The following RERE variants were observed in gnomAD, a reference collection of about 807,000 sequenced individuals.
RERE encodes arginine-glutamic acid dipeptide repeats protein.
RERE carries 40 observed loss-of-function variants against 146.1 expected under a neutral mutation model. The ratio of observed to expected loss-of-function variants is 0.27; its 90% CI spans 0.21 to 0.36. RERE has a LOEUF of 0.36. RERE is among the 10% of genes least tolerant of loss of function. The pLI, the probability that RERE is intolerant of heterozygous loss-of-function variation, is 1.00. For missense variants in RERE, 1,933 were observed against 2,138.7 expected (o/e 0.90, Z 1.90); for synonymous variants, 1,003 against 866.0 (o/e 1.16, Z -2.78).
rs1641645920 is a variant in RERE, at chr1:8,362,904, T to A, written c.1741-60A>T. The A allele has an allele frequency of 3.2e-6, 5 of 1,558,644 alleles. No individual in the cohort carries two copies. The East Asian group carries it at 1.1e-4, about 35-fold the overall frequency. The stretch of plus-strand genomic sequence containing the variant: ...TTCCCAGTCCCCATGTGGACCCACC[T>A]GAGCCCAACCCACAGGCAGAAGCCT... On this transcript the variant is annotated intron_variant, in intron 15 of 22. Transcript: ENST00000400908.
At chr1:8,537,020 T>C (rs1205883182) in intron 7 of RERE, among the ~76,000 whole-genome samples, 1 of 152,064 alleles carries the variant, frequency 6.6e-6, no homozygotes, top group Non-Finnish European at 1.5e-5. Flanking sequence ...CTGGGGAACA[T>C]AGTGAGACCT....
chr1:8,569,584 G>A (rs1045739352), intron 4 of RERE, among the ~76,000 whole-genome samples: 1 of 152,162 alleles, frequency 6.6e-6, no homozygotes, highest in African/African-American at 2.4e-5. Flanking sequence ...AACCGATGAT[G>A]AGCTACCATG....
chr1:8,774,633 C>G (rs1641024280), intron 1 of RERE, among the ~76,000 whole-genome samples: 1 of 152,026 alleles, frequency 6.6e-6, no homozygotes, highest in South Asian at 2.1e-4. Context: ...GGACTACAGG[C>G]ATGAGTCACC....
intron 10 of RERE, among the ~76,000 whole-genome samples, chr1:8,488,488 C>T (rs1320735583): frequency 5.3e-5 from 8 of 152,144 alleles, no homozygotes; most frequent in East Asian, 1.9e-4. Flanking sequence ...TCAGGCGATC[C>T]GCTCACCTCG....
intron 7 of RERE, among the ~76,000 whole-genome samples, chr1:8,530,988 G>T (rs1284377647): frequency 6.6e-6 from 1 of 151,994 alleles, no homozygotes; most frequent in East Asian, 1.9e-4. Context: ...ACCGCGCCCG[G>T]CCTGAACTGA....
chr1:8,442,033 A>T (rs948562337), intron 11 of RERE, among the ~76,000 whole-genome samples: 1 of 152,192 alleles, frequency 6.6e-6, no homozygotes, highest in South Asian at 2.1e-4. Flanking sequence ...CTGGGGAAGT[A>T]GAATGGAAAT....
At chr1:8,602,923 G>A (rs950973624) in intron 4 of RERE, among the ~76,000 whole-genome samples, 2 of 152,148 alleles carry the variant, frequency 1.3e-5, no homozygotes, top group Non-Finnish European at 2.9e-5. Flanking sequence ...TGAACCAGGA[G>A]CTGTTCCAGA....
intron 4 of RERE, among the ~76,000 whole-genome samples, chr1:8,577,316 C>CCT (rs769878579): frequency 3.3e-5 from 5 of 152,120 alleles, no homozygotes; most frequent in South Asian, 2.1e-4. Flanking sequence ...CTCTCTCTCC[C>CCT]CTCTCTTTCT....
At chr1:8,398,294 C>T (rs1643126070) in intron 12 of RERE, among the ~76,000 whole-genome samples, 1 of 152,162 alleles carries the variant, frequency 6.6e-6, no homozygotes. Context: ...CTGATTTGGA[C>T]CACAGTATAA....
At chr1:8,671,642 A>G (rs1009197004) in intron 1 of RERE, among the ~76,000 whole-genome samples, 3 of 152,270 alleles carry the variant, frequency 2.0e-5, no homozygotes, top group Non-Finnish European at 2.9e-5. Flanking sequence ...TTTAAAAATT[A>G]GCTTTGTTAA....
chr1:8,626,975 T>C (rs1646980371), intron 2 of RERE, among the ~76,000 whole-genome samples: 1 of 152,202 alleles, frequency 6.6e-6, no homozygotes, highest in Non-Finnish European at 1.5e-5. Context: ...CTGCATTCAA[T>C]GGTCTGGTCT....
At chr1:8,529,345 A>G (rs1466969971) in intron 7 of RERE, among the ~76,000 whole-genome samples, 1 of 134,116 alleles carries the variant, frequency 7.5e-6, no homozygotes, top group Non-Finnish European at 1.5e-5. Context: ...GCTGGAGTGC[A>G]GTGGTGCAAT....
chr1:8,750,659 G>GT, intron 1 of RERE: 1 of 893,012 alleles, frequency 1.1e-6, no homozygotes, highest in Non-Finnish European at 1.9e-6. Flanking sequence ...GGCAAGAAAA[G>GT]CTGGCAACTT....
At chr1:8,749,997 C>T (rs962970342) in intron 1 of RERE, among the ~76,000 whole-genome samples, 1 of 151,780 alleles carries the variant, frequency 6.6e-6, no homozygotes, top group African/African-American at 2.4e-5. Context: ...ACTAAAAATA[C>T]AAAAATTAAC....
intron 12 of RERE, among the ~76,000 whole-genome samples, chr1:8,419,510 T>C (rs572729713): frequency 6.6e-6 from 1 of 152,224 alleles, no homozygotes; most frequent in Admixed American, 6.5e-5. Context: ...CTCCAAGTTT[T>C]TGGCAAGACA....
intron 1 of RERE, among the ~76,000 whole-genome samples, chr1:8,783,865 TGTCCAA>T (rs997518240): frequency 7.2e-5 from 11 of 152,062 alleles, no homozygotes; most frequent in Non-Finnish European, 1.2e-4. Context: ...CAGAAAGATA[TGTCCAA>T]GTCCTAATCC....
intron 1 of RERE, among the ~76,000 whole-genome samples, chr1:8,687,306 G>C (rs963324312): frequency 2.0e-5 from 3 of 152,208 alleles, no homozygotes; most frequent in Non-Finnish European, 4.4e-5. Flanking sequence ...CCTGGAAGGT[G>C]GCAAGATGTG....
At chr1:8,582,798 G>A (rs896467278) in intron 4 of RERE, among the ~76,000 whole-genome samples, 1 of 152,056 alleles carries the variant, frequency 6.6e-6, no homozygotes, top group Non-Finnish European at 1.5e-5. Flanking sequence ...TAGTGGTCAC[G>A]GTATAGAGAA....
intron 2 of RERE, among the ~76,000 whole-genome samples, chr1:8,624,885 C>T (rs1646956199): frequency 6.6e-6 from 1 of 152,180 alleles, no homozygotes. Flanking sequence ...ACCTTTTCAA[C>T]TAATCAAAAA....
Sources: gnomAD v4.1 joint callset for allele counts (sites outside exome capture counted in the v4.1 genomes callset) on GRCh38, gnomAD v4.1.1 for gene constraint, MANE v1.5 for transcripts, NCBI Gene and HGNC (gene_info 2026-07-23, HGNC 2026-07-21) for gene names.